The following HSD17B13 variants were observed in gnomAD, a reference collection of about 807,000 sequenced individuals.
HSD17B13 encodes 17-beta-hydroxysteroid dehydrogenase 13.
In HSD17B13, 26 loss-of-function variants were observed where a neutral mutation model predicts 31.1. The ratio of observed to expected loss-of-function variants is 0.84; its 90% confidence interval spans 0.61 to 1.16. The LOEUF is 1.16. Among genes scored for constraint, HSD17B13 ranks in the 50% most tolerant of loss-of-function variants. The pLI is 0.00. For synonymous variants in HSD17B13, 141 were observed against 133.7 expected (o/e 1.05, Z -0.38); for missense variants, 374 against 366.5 (o/e 1.02, Z -0.17).
chr4:87,315,601 T>C lies in HSD17B13; in HGVS notation c.451-2A>G, dbSNP rs1479673195. 2 of 1,563,860 alleles carry C rather than the reference T, an allele frequency of 1.3e-6. No individual in the cohort carries two copies. Among genetic ancestry groups the C allele is most frequent in the Non-Finnish European group, 1.8e-6 (2 of 1,138,720 alleles). On this transcript the variant is annotated splice_acceptor_variant, in intron 3 of 6. Coordinates refer to ENST00000328546, the MANE Select transcript of HSD17B13 (RefSeq NM_178135.5). LOFTEE classifies it high-confidence loss of function. ...CGATGGAAGAAGTGCTTTTGTGATC[T>C]TAAGGATCATTGCAGAAAGAAGAAA...
intron 4 of HSD17B13, 58 bp downstream of exon 4, chr4:87,315,435 G>T: frequency 1.0e-6 from 1 of 981,410 alleles, no homozygotes. Flanking sequence ...ACAATTTGAA[G>T]TGTAATGCTC....
At chr4:87,314,417 T>C (rs1305911345) in intron 4 of HSD17B13, among the ~76,000 whole-genome samples, 1 of 152,138 alleles carries the variant, frequency 6.6e-6, no homozygotes. Flanking sequence ...AGTTATTCTC[T>C]TGACAATGGT....
chr4:87,310,469 T>G, intron 5 of HSD17B13, 110 bp from the exon 6 acceptor site: 1 of 1,180,450 alleles, frequency 8.5e-7, no homozygotes, highest in Non-Finnish European at 1.1e-6. Flanking sequence ...AGAATGAAGA[T>G]TTAAAATATT....
chr4:87,308,485 TAAAAAAAAAAAAAAAAAAAAAAAAA>T (rs893354684), intron 6 of HSD17B13, among the ~76,000 whole-genome samples: 6,775 of 33,106 alleles, frequency 0.2, 790 homozygotes, highest in African/African-American at 0.37. Context: ...CCGTCTCTAC[TAAAAAAAAAAAAAAAAAAAAAAAAA>T]AAAAAAAAAA....
chr4:87,307,459 T>C (rs187493625), intron 6 of HSD17B13, among the ~76,000 whole-genome samples: 2 of 152,358 alleles, frequency 1.3e-5, no homozygotes, highest in East Asian at 1.9e-4. Flanking sequence ...ACTCACTTCC[T>C]ACAGTGCTTA....
At chr4:87,315,103 A>G (rs1463319032) in intron 4 of HSD17B13, among the ~76,000 whole-genome samples, 1 of 152,080 alleles carries the variant, frequency 6.6e-6, no homozygotes, top group Non-Finnish European at 1.5e-5. Context: ...AAATGGAAAC[A>G]CTCCAGCTAT....
rs754583234 is a variant in HSD17B13 at position 87,317,042 on chromosome 4, T to C, written c.450+50A>G. On this transcript the variant is annotated intron_variant, in intron 3 of 6. Coordinates refer to ENST00000328546, the MANE Select transcript of HSD17B13 (RefSeq NM_178135.5). ...TGTGAACTCCGTTATAAGTTTCATG[T>C]ATCTTAAGAGAAGGTGCACAAATCA... 2.8e-5 allele frequency: 45 copies of C among 1,585,128 alleles called. No homozygotes were observed. The Admixed American group carries it at 5.7e-4, about 20-fold the overall frequency.
chr4:87,319,596 TTGA>T (rs1734734504), intron 1 of HSD17B13, among the ~76,000 whole-genome samples: 1 of 152,222 alleles, frequency 6.6e-6, no homozygotes. Flanking sequence ...CATATTTTTC[TTGA>T]TGATTCTGAC....
At position 87,305,319 on chromosome 4, in the gene HSD17B13, A is replaced by G; in HGVS notation, c.813-11T>C. On this transcript the variant is annotated splice_polypyrimidine_tract_variant and intron_variant, in intron 6 of 6. Coordinates refer to ENST00000328546, the MANE Select transcript of HSD17B13 (RefSeq NM_178135.5). Reference sequence around the variant, plus strand: ...CGTTCAGGAAGAAACCTGTACAAAAAAGAAAAAAAAATTGAAAAATTTTCC... The same window carrying G: ...CGTTCAGGAAGAAACCTGTACAAAAGAGAAAAAAAAATTGAAAAATTTTCC... The G allele has an allele frequency of 6.4e-7, 1 of 1,560,008 alleles. No homozygotes were observed. Among genetic ancestry groups the G allele is most frequent in the East Asian group, 2.3e-5 (1 of 44,340 alleles).
intron 6 of HSD17B13, among the ~76,000 whole-genome samples, chr4:87,306,424 G>T (rs1019655456): frequency 6.6e-6 from 1 of 152,104 alleles, no homozygotes; most frequent in African/African-American, 2.4e-5. Flanking sequence ...TTGAAAAATA[G>T]CTATTGTCTT....
intron 5 of HSD17B13, among the ~76,000 whole-genome samples, chr4:87,312,302 C>T (rs1734546827): frequency 6.6e-6 from 1 of 152,250 alleles, no homozygotes; most frequent in South Asian, 2.1e-4. Context: ...GCCACGTTTA[C>T]TCACTTCTGG....
Position 87,311,363 on chromosome 4 carries a change from C to T in HSD17B13, c.696-1004G>A, listed in dbSNP as rs113286199. Reference sequence around the variant, plus strand: ...ACTTGCTTTTGCTTTGCACTGTGGCCTTGCCCCGAATTATTTCTTGCGAGA... The same window carrying T: ...ACTTGCTTTTGCTTTGCACTGTGGCTTTGCCCCGAATTATTTCTTGCGAGA... On this transcript the variant is annotated intron_variant, in intron 5 of 6. Transcript: ENST00000328546. 4.5e-3 allele frequency among the ~76,000 whole-genome samples: 686 copies of T among 152,272 alleles called. 2 individuals carry two copies. Among genetic ancestry groups the T allele is most frequent in the African/African-American group, 0.015 (637 of 41,554 alleles).
intron 5 of HSD17B13, among the ~76,000 whole-genome samples, chr4:87,311,151 T>C (rs1436798559): frequency 6.6e-6 from 1 of 152,152 alleles, no homozygotes. Flanking sequence ...AGTTACCCTA[T>C]ATGGCCTAAA....
At chr4:87,310,713 C>T (rs28636836) in intron 5 of HSD17B13, among the ~76,000 whole-genome samples, 29,684 of 152,092 alleles carry the variant, frequency 0.2, 3,467 homozygotes, top group East Asian at 0.32. Context: ...CATCTCAAAG[C>T]CTGTTGGATG....
intron 1 of HSD17B13, among the ~76,000 whole-genome samples, chr4:87,320,648 A>G (rs1230348342): frequency 1.3e-5 from 2 of 152,066 alleles, no homozygotes; most frequent in African/African-American, 2.4e-5. Context: ...CGGCCTCCCA[A>G]AGTGCTGGGA....
chr4:87,316,762 C>G (rs904870493), intron 3 of HSD17B13, among the ~76,000 whole-genome samples: 1 of 152,180 alleles, frequency 6.6e-6, no homozygotes, highest in Non-Finnish European at 1.5e-5. Context: ...AATGAAGTCA[C>G]AAGTGACAGC....
chr4:87,320,449 T>C (rs1417329574), intron 1 of HSD17B13, among the ~76,000 whole-genome samples: 1 of 139,572 alleles, frequency 7.2e-6, no homozygotes, highest in East Asian at 2.4e-4. Flanking sequence ...TGCAGTGGCG[T>C]CATCTCGGCT....
At chr4:87,314,542 C>T (rs908941047) in intron 4 of HSD17B13, among the ~76,000 whole-genome samples, 2 of 152,022 alleles carry the variant, frequency 1.3e-5, no homozygotes, top group Admixed American at 6.6e-5. Context: ...ACATCCTTAA[C>T]GCCTCTCACC....
intron 6 of HSD17B13, among the ~76,000 whole-genome samples, chr4:87,305,646 G>C (rs1182326613): frequency 6.6e-6 from 1 of 152,102 alleles, no homozygotes; most frequent in Admixed American, 6.5e-5. Context: ...CCTGAACACA[G>C]AGGTTGCAGT....
Sources: gnomAD v4.1 joint callset for allele counts (sites outside exome capture counted in the v4.1 genomes callset) on GRCh38, gnomAD v4.1.1 for gene constraint, MANE v1.5 for transcripts, NCBI Gene and HGNC (gene_info 2026-07-23, HGNC 2026-07-21) for gene names.